Variants in ADCY5 observed in about 807,000 individuals in gnomAD.
The protein encoded by ADCY5 is adenylate cyclase type 5.
Under a neutral mutation model 119.7 loss-of-function variants are expected in ADCY5, and 30 were observed. The observed-to-expected ratio is 0.25, with a 90% confidence interval of 0.19 to 0.34. The LOEUF is 0.34. Among genes scored for constraint, ADCY5 ranks in the 10% least tolerant of loss-of-function variants. ADCY5 has a pLI of 1.00. For synonymous variants in ADCY5, 753 were observed against 762.2 expected (o/e 0.99, Z 0.20); for missense variants, 1,324 against 1,775.2 (o/e 0.75, Z 4.57).
intron 5 of ADCY5, among the ~76,000 whole-genome samples, chr3:123,329,026 C>T (rs1456615436): frequency 6.6e-6 from 1 of 152,168 alleles, no homozygotes; most frequent in African/African-American, 2.4e-5. Flanking sequence ...CACAAGGTGG[C>T]GCGGTGCCAC....
chr3:123,396,430 G>A (rs1362226529), intron 1 of ADCY5, among the ~76,000 whole-genome samples: 5 of 108,798 alleles, frequency 4.6e-5, no homozygotes, highest in Middle Eastern at 9.8e-3. Flanking sequence ...AGGGAGGGAG[G>A]GAAAGAGAAA....
At chr3:123,342,102 ACTTTT>A (rs1942314548) in intron 3 of ADCY5, among the ~76,000 whole-genome samples, 1 of 152,092 alleles carries the variant, frequency 6.6e-6, no homozygotes, top group African/African-American at 2.4e-5. Context: ...GGCCCAGAAT[ACTTTT>A]CTTCATGTCA....
Position 123,328,630 on chromosome 3 carries a change from C to T in ADCY5, c.1805+14G>A, listed in dbSNP as rs746263366. The stretch of plus-strand genomic sequence containing the variant: ...CCAGGTCGGGGCCCCAAGCCACCCA[C>T]AGCTGTCACTCACCCTGCCTTGCCG... On this transcript the variant is annotated intron_variant, in intron 6 of 20. Coordinates refer to ENST00000462833, the MANE Select transcript of ADCY5 (RefSeq NM_183357.3). 2 of 1,613,152 alleles carry T rather than the reference C, an allele frequency of 1.2e-6. No individual in the cohort carries two copies. The highest frequency in any genetic ancestry group is 1.7e-6 in the Non-Finnish European group (2 of 1,179,794).
chr3:123,283,895 T>TCTTACACGCATACAACTAG lies in ADCY5; in HGVS notation c.*694_*712dup, dbSNP rs1938551895. On this transcript the variant is annotated 3_prime_UTR_variant, in exon 21 of 21. Transcript: ENST00000462833. ...TGGCGTCCTCGTTTGCTTGTGTGTCTCTTACACGCATACAACTAGCATAGT... is the reference window on the plus strand; with the variant it reads ...TGGCGTCCTCGTTTGCTTGTGTGTCTCTTACACGCATACAACTAGCTTACACGCATACAACTAGCATAGT... 1 of 152,220 alleles carries TCTTACACGCATACAACTAG rather than the reference T, an allele frequency of 6.6e-6. No individual in the cohort carries two copies. Among genetic ancestry groups the TCTTACACGCATACAACTAG allele is most frequent in the African/African-American group, 2.4e-5 (1 of 41,450 alleles). 9.4% of individuals were successfully genotyped at this position (152,220 alleles called of 1,614,324 possible). A position where few individuals can be genotyped will look rare whatever the true frequency, so the allele number is the denominator to read the frequency against.
chr3:123,412,986 C>T (rs1945094093), intron 1 of ADCY5, among the ~76,000 whole-genome samples: 1 of 152,226 alleles, frequency 6.6e-6, no homozygotes, highest in Non-Finnish European at 1.5e-5. Context: ...GCACTGTCTC[C>T]TGGTTAAATC....
intron 1 of ADCY5, among the ~76,000 whole-genome samples, chr3:123,429,107 C>T (rs962338214): frequency 1.4e-4 from 21 of 152,296 alleles, no homozygotes; most frequent in African/African-American, 4.8e-4. Context: ...TGACACTCTG[C>T]GTGTCATAAA....
intron 12 of ADCY5, among the ~76,000 whole-genome samples, chr3:123,312,923 C>T (rs531877664): frequency 7.1e-6 from 1 of 141,320 alleles, no homozygotes; most frequent in Non-Finnish European, 1.5e-5. Flanking sequence ...GGGGCCTTGA[C>T]AACAGAAAGA....
chr3:123,401,289 AAGCCCAGGCTC>A (rs1480769241), intron 1 of ADCY5, among the ~76,000 whole-genome samples: 1 of 152,176 alleles, frequency 6.6e-6, no homozygotes, highest in Non-Finnish European at 1.5e-5. Flanking sequence ...GTTGCACACT[AAGCCCAGGCTC>A]AGCTCTGGGG....
intron 1 of ADCY5, among the ~76,000 whole-genome samples, chr3:123,374,782 A>G (rs1943760263): frequency 1.3e-5 from 2 of 152,190 alleles, no homozygotes; most frequent in African/African-American, 2.4e-5. Flanking sequence ...GGAGGGAGGG[A>G]TGAATCCAAT....
intron 16 of ADCY5, 171 bp downstream of exon 16, chr3:123,297,182 C>T (rs1252853614): frequency 2.2e-6 from 3 of 1,336,866 alleles, no homozygotes; most frequent in Non-Finnish European, 3.2e-6. Flanking sequence ...GGCCTCTGCC[C>T]CCCGAGGACG....
chr3:123,334,885 A>T (rs1196684017), intron 3 of ADCY5, among the ~76,000 whole-genome samples: 1 of 152,198 alleles, frequency 6.6e-6, no homozygotes, highest in Non-Finnish European at 1.5e-5. Context: ...CACCTCACAT[A>T]CTGCTCATTT....
At chr3:123,329,619 T>C (rs916030266) in intron 5 of ADCY5, among the ~76,000 whole-genome samples, 7 of 152,088 alleles carry the variant, frequency 4.6e-5, no homozygotes, top group African/African-American at 1.7e-4. Flanking sequence ...CAGATTGCAC[T>C]TTCTAGGGCC....
intron 3 of ADCY5, among the ~76,000 whole-genome samples, chr3:123,334,098 C>A (rs541861670): frequency 6.6e-5 from 10 of 152,116 alleles, no homozygotes; most frequent in Admixed American, 5.9e-4. Flanking sequence ...CTGTAAGGGC[C>A]CCTGAATTTA....
chr3:123,424,887 G>A (rs1259216668), intron 1 of ADCY5, among the ~76,000 whole-genome samples: 2 of 152,242 alleles, frequency 1.3e-5, no homozygotes, highest in Admixed American at 6.5e-5. Flanking sequence ...CAGGCAGAAG[G>A]CCAGAGAGGC....
chr3:123,310,582 CGT>C (rs1940512413), intron 12 of ADCY5, among the ~76,000 whole-genome samples: 1 of 152,178 alleles, frequency 6.6e-6, no homozygotes, highest in African/African-American at 2.4e-5. Flanking sequence ...CTGCGGACAA[CGT>C]GTGATGGTGA....
At chr3:123,436,645 G>T (rs891434520) in intron 1 of ADCY5, among the ~76,000 whole-genome samples, 2 of 152,184 alleles carry the variant, frequency 1.3e-5, no homozygotes, top group African/African-American at 4.8e-5. Context: ...GGCAGAGGTT[G>T]CAGTGAGCCA....
chr3:123,358,694 A>G (rs1201367838), intron 1 of ADCY5, among the ~76,000 whole-genome samples: 1 of 152,202 alleles, frequency 6.6e-6, no homozygotes, highest in Non-Finnish European at 1.5e-5. Flanking sequence ...ACACCAGGAG[A>G]GACCCCACTA....
At chr3:123,337,579 C>T (rs575284176) in intron 3 of ADCY5, among the ~76,000 whole-genome samples, 37 of 152,354 alleles carry the variant, frequency 2.4e-4, no homozygotes, top group African/African-American at 7.7e-4. Context: ...GGCTTGCAGC[C>T]GCATCACTCC....
At chr3:123,313,433 G>A (rs1559797693) in intron 12 of ADCY5, among the ~76,000 whole-genome samples, 1 of 152,200 alleles carries the variant, frequency 6.6e-6, no homozygotes, top group Admixed American at 6.5e-5. Flanking sequence ...GCGTCAGGGA[G>A]GAGTCGGAGA....
Sources: gnomAD v4.1 joint callset for allele counts (sites outside exome capture counted in the v4.1 genomes callset) on GRCh38, gnomAD v4.1.1 for gene constraint, MANE v1.5 for transcripts, NCBI Gene and HGNC (gene_info 2026-07-23, HGNC 2026-07-21) for gene names.